The following FBXO34 variants were observed in gnomAD, a reference collection of about 807,000 sequenced individuals.
The protein encoded by FBXO34 is F-box only protein 34.
Under a neutral mutation model 24.5 loss-of-function variants are expected in FBXO34, and 12 were observed. The observed-to-expected ratio is 0.49, with a 90% confidence interval of 0.31 to 0.79. The LOEUF is 0.79. FBXO34 is among the 30% of genes least tolerant of loss of function. The pLI is 0.04. For missense variants in FBXO34, 823 were observed against 857.7 expected (o/e 0.96, Z 0.51); for synonymous variants, 320 against 311.9 (o/e 1.03, Z -0.27).
chr14:55,385,289 GT>G, the FBXO34 span, among the ~76,000 whole-genome samples: 74 of 151,322 alleles, frequency 4.9e-4, no homozygotes, highest in African/African-American at 1.5e-3. Flanking sequence ...TGGTTCTCTG[GT>G]TTTTTTTTGT....
chr14:55,283,982 G>GTC (rs745393655), intron 1 of FBXO34, among the ~76,000 whole-genome samples: 7 of 149,948 alleles, frequency 4.7e-5, no homozygotes, highest in African/African-American at 7.5e-5. Context: ...GTGTCTGTGT[G>GTC]TGTGTGTATG....
At chr14:55,421,288 C>T in the FBXO34 span, among the ~76,000 whole-genome samples, 1 of 152,124 alleles carries the variant, frequency 6.6e-6, no homozygotes, top group Admixed American at 6.6e-5. Flanking sequence ...GATATCTACA[C>T]TATTCAATTT....
chr14:55,279,479 CA>C (rs1054860500), intron 1 of FBXO34, among the ~76,000 whole-genome samples: 35 of 152,160 alleles, frequency 2.3e-4, no homozygotes, highest in African/African-American at 7.2e-4. Flanking sequence ...TGGCTGAATT[CA>C]CAGTGAAAGG....
the FBXO34 span, among the ~76,000 whole-genome samples, chr14:55,375,137 G>C: frequency 6.6e-6 from 1 of 152,142 alleles, no homozygotes; most frequent in East Asian, 1.9e-4. Flanking sequence ...ACGGTGTGTA[G>C]AGCCATTCAA....
chr14:55,393,852 G>T, the FBXO34 span, among the ~76,000 whole-genome samples: 31 of 151,634 alleles, frequency 2.0e-4, no homozygotes, highest in African/African-American at 7.5e-4. Context: ...ACCCAGCGCA[G>T]ATTTTATAAG....
At chr14:55,441,890 G>A in the FBXO34 span, among the ~76,000 whole-genome samples, 1 of 151,784 alleles carries the variant, frequency 6.6e-6, no homozygotes, top group Non-Finnish European at 1.5e-5. Context: ...AGTCTCCCGA[G>A]TAGCTGGGAT....
intron 1 of FBXO34, among the ~76,000 whole-genome samples, chr14:55,295,522 G>A (rs1231034446): frequency 6.6e-6 from 1 of 150,970 alleles, no homozygotes; most frequent in East Asian, 2.0e-4. Flanking sequence ...AGCCTCCCGA[G>A]TAGCTGGGAT....
the FBXO34 span, among the ~76,000 whole-genome samples, chr14:55,407,887 G>A: frequency 6.6e-6 from 1 of 152,088 alleles, no homozygotes; most frequent in Non-Finnish European, 1.5e-5. Flanking sequence ...GAAAGACAAG[G>A]TATCAATCAG....
In FBXO34 at chr14:55,323,188, A is replaced by T. The variant is rs1566555725; in HGVS notation, c.-10-27193A>T. 3.7e-3 allele frequency among the ~76,000 whole-genome samples: 100 copies of T among 26,678 alleles called. 21 individuals are homozygous for T. Among genetic ancestry groups the T allele is most frequent in the African/African-American group, 0.026 (50 of 1,932 alleles). The allele number at this position is 26,678 out of a possible 152,430, so 17.5% of individuals were successfully genotyped here. A position where few individuals can be genotyped will look rare whatever the true frequency, so the allele number is the denominator to read the frequency against. Reference sequence around the variant, plus strand: ...CGACAGAGTGAGACTCTGTCTCAAAAAAAAAAAAAAAAAAAAAAAAAAAAA... The same window carrying T: ...CGACAGAGTGAGACTCTGTCTCAAATAAAAAAAAAAAAAAAAAAAAAAAAA... On this transcript the variant is annotated intron_variant, in intron 1 of 1. Transcript: ENST00000313833.
the FBXO34 span, among the ~76,000 whole-genome samples, chr14:55,425,580 G>C: frequency 6.6e-6 from 1 of 152,148 alleles, no homozygotes; most frequent in African/African-American, 2.4e-5. Flanking sequence ...CAGAGAAAGA[G>C]AGTGGTTTTG....
At chr14:55,280,894 G>A (rs556908335) in intron 1 of FBXO34, among the ~76,000 whole-genome samples, 1 of 152,174 alleles carries the variant, frequency 6.6e-6, no homozygotes, top group Admixed American at 6.5e-5. Context: ...ATCCGCCATG[G>A]ATACTGAGGG....
intron 1 of FBXO34, among the ~76,000 whole-genome samples, chr14:55,303,530 C>T (rs535966910): frequency 6.6e-6 from 1 of 151,036 alleles, no homozygotes; most frequent in African/African-American, 2.4e-5. Context: ...CTAAGTAGAC[C>T]AACTTTTATC....
At chr14:55,390,988 C>A in the FBXO34 span, 1 of 1,602,034 alleles carries the variant, frequency 6.2e-7, no homozygotes, top group African/African-American at 1.3e-5. Context: ...CATTATTTTC[C>A]ATCTCTGAAA....
At chr14:55,375,005 T>C (rs1157993187), downstream of FBXO34, among the ~76,000 whole-genome samples, 1 of 152,206 alleles carries the variant, frequency 6.6e-6, no homozygotes, top group Non-Finnish European at 1.5e-5. Flanking sequence ...TTGTCAAAGC[T>C]CCATGAAATA....
At chr14:55,418,818 G>GA in the FBXO34 span, among the ~76,000 whole-genome samples, 1 of 152,144 alleles carries the variant, frequency 6.6e-6, no homozygotes, top group Non-Finnish European at 1.5e-5. Context: ...CAATGATAGA[G>GA]AAAAAACCAG....
chr14:55,438,801 C>G, the FBXO34 span: 2 of 151,962 alleles, frequency 1.3e-5, no homozygotes, highest in Admixed American at 1.3e-4. Context: ...TTACCTTTCT[C>G]AGAACCTTTC....
chr14:55,350,477 C>T lies in FBXO34; in HGVS notation c.87C>T (p.His29=), dbSNP rs146772597. ...SRETQRTPMN[H]QKAVNDETCK... ...AAACGCAGAGAACTCCTATGAACCA[C>T]CAAAAGGCTGTAAATGATGAAACAT... The change falls in exon 2 of 2, where the codon CAC becomes CAT. Residue 29 remains histidine (H), a synonymous_variant. Coordinates refer to ENST00000313833, the MANE Select transcript of FBXO34 (RefSeq NM_017943.4). 6.2e-7 allele frequency: 1 copy of T among 1,613,770 alleles called. No individual in the cohort carries two copies. The highest frequency in any genetic ancestry group is 2.2e-5 in the East Asian group (1 of 44,878).
chr14:55,338,048 C>CTTTTGTTTTTTTTTTT (rs1883846580), intron 1 of FBXO34, among the ~76,000 whole-genome samples: 1 of 88,266 alleles, frequency 1.1e-5, no homozygotes, highest in Non-Finnish European at 2.1e-5. Context: ...GTATGTACTT[C>CTTTTGTTTTTTTTTTT]TTTTTTTTTT....
At chr14:55,387,059 C>G in the FBXO34 span, among the ~76,000 whole-genome samples, 2 of 151,964 alleles carry the variant, frequency 1.3e-5, no homozygotes, top group African/African-American at 4.8e-5. Flanking sequence ...CTATCACAAT[C>G]CTAGTTAACG....
Sources: gnomAD v4.1 joint callset for allele counts (sites outside exome capture counted in the v4.1 genomes callset) on GRCh38, gnomAD v4.1.1 for gene constraint, MANE v1.5 for transcripts, NCBI Gene and HGNC (gene_info 2026-07-23, HGNC 2026-07-21) for gene names.